Variants in PAIP2B observed in about 807,000 individuals in gnomAD.
The protein encoded by PAIP2B is poly(A) binding protein interacting protein 2B.
Under a neutral mutation model 17.0 loss-of-function variants are expected in PAIP2B, and 13 were observed. The ratio of observed to expected loss-of-function variants is 0.76; its 90% CI spans 0.50 to 1.22. PAIP2B has a LOEUF of 1.22. Ranked by LOEUF, PAIP2B falls within the 50% of genes most tolerant of loss-of-function variation. The pLI is 0.00. For synonymous variants in PAIP2B, 43 were observed against 48.7 expected, an observed-to-expected ratio of 0.88 and a Z score of 0.48; for missense variants, 117 against 144.5, an observed-to-expected ratio of 0.81 and a Z score of 0.98.
intron 1 of PAIP2B, among the ~76,000 whole-genome samples, chr2:71,218,958 T>C (rs1572938584): frequency 6.7e-6 from 1 of 149,966 alleles, no homozygotes; most frequent in Non-Finnish European, 1.5e-5. Context: ...CTCTGTCACC[T>C]AGGCTGGAGT....
intron 1 of PAIP2B, among the ~76,000 whole-genome samples, chr2:71,206,992 A>G (rs1675148010): frequency 6.6e-6 from 1 of 152,180 alleles, no homozygotes. Flanking sequence ...AACAACTAAG[A>G]TCATTAAATC....
chr2:71,189,087 A>T (rs1572918815), intron 3 of PAIP2B, among the ~76,000 whole-genome samples: 3 of 149,724 alleles, frequency 2.0e-5, no homozygotes, highest in African/African-American at 4.9e-5. Flanking sequence ...CTCACTGCAA[A>T]CTCCGCCTCC....
At chr2:71,211,902 C>T (rs890169256) in intron 1 of PAIP2B, among the ~76,000 whole-genome samples, 12 of 152,200 alleles carry the variant, frequency 7.9e-5, no homozygotes, top group Non-Finnish European at 1.6e-4. Context: ...GTGGCAAGAT[C>T]TCTAGACTCA....
intron 1 of PAIP2B, among the ~76,000 whole-genome samples, chr2:71,220,219 G>A (rs757095996): frequency 6.6e-6 from 1 of 152,162 alleles, no homozygotes; most frequent in African/African-American, 2.4e-5. Flanking sequence ...TGGTCACTAG[G>A]CTGAAATATT....
intron 2 of PAIP2B, among the ~76,000 whole-genome samples, 188 bp downstream of exon 2, chr2:71,202,264 A>G (rs1675003705): frequency 6.6e-6 from 1 of 152,228 alleles, no homozygotes; most frequent in Non-Finnish European, 1.5e-5. Flanking sequence ...CCAAGGTACT[A>G]TCACTCTGGT....
rs1330560072 is a variant in PAIP2B, at chr2:71,186,244, GTGCC to G, written c.*2231_*2234del. 2 of 152,184 alleles carry G rather than the reference GTGCC, an allele frequency of 1.3e-5. No individual in the cohort carries two copies. Among genetic ancestry groups the G allele is most frequent in the Non-Finnish European group, 2.9e-5 (2 of 68,030 alleles). The allele number at this position is 152,184 out of a possible 1,614,324, so 9.4% of individuals were successfully genotyped here. Reference sequence around the variant, plus strand: ...CTAGCCTGTGTTGTGAGTGACAATTGTGCCCCTACCTCCCAACATAAATAGATGG... The same window carrying G: ...CTAGCCTGTGTTGTGAGTGACAATTGCCTACCTCCCAACATAAATAGATGG... On this transcript the variant is annotated 3_prime_UTR_variant, in exon 4 of 4. Coordinates refer to ENST00000244221, the MANE Select transcript of PAIP2B (RefSeq NM_020459.1).
chr2:71,209,019 A>G (rs1228384989), intron 1 of PAIP2B, among the ~76,000 whole-genome samples: 1 of 152,226 alleles, frequency 6.6e-6, no homozygotes, highest in African/African-American at 2.4e-5. Flanking sequence ...GCCACAGGGA[A>G]TGAATCCAAT....
chr2:71,216,701 C>G (rs903042338), intron 1 of PAIP2B, among the ~76,000 whole-genome samples: 16 of 152,200 alleles, frequency 1.1e-4, no homozygotes, highest in Admixed American at 9.2e-4. Flanking sequence ...TAGGGCCCAG[C>G]AATCTGTGTT....
intron 1 of PAIP2B, among the ~76,000 whole-genome samples, chr2:71,203,614 A>T (rs749200086): frequency 6.6e-6 from 1 of 151,824 alleles, no homozygotes; most frequent in African/African-American, 2.4e-5. Context: ...CTGGCCATTT[A>T]TATTTCTTAT....
chr2:71,220,309 GATTT>G (rs576858633), intron 1 of PAIP2B, among the ~76,000 whole-genome samples: 165 of 152,278 alleles, frequency 1.1e-3, no homozygotes, highest in African/African-American at 3.9e-3. Flanking sequence ...ACTCTTTGGG[GATTT>G]ATTTCATAAA....
chr2:71,202,783 C>T (rs951903619), intron 1 of PAIP2B, among the ~76,000 whole-genome samples, 183 bp from the exon 2 acceptor site: 2 of 152,116 alleles, frequency 1.3e-5, no homozygotes, highest in African/African-American at 4.8e-5. Flanking sequence ...ATCAACTAGA[C>T]AGATGTACAA....
At chr2:71,217,016 T>C (rs922305195) in intron 1 of PAIP2B, among the ~76,000 whole-genome samples, 28 of 152,228 alleles carry the variant, frequency 1.8e-4, no homozygotes, top group African/African-American at 5.5e-4. Flanking sequence ...TCTAAAGTTT[T>C]AGAAAAGGAT....
chr2:71,226,658 G>A (rs969659477), intron 1 of PAIP2B, among the ~76,000 whole-genome samples: 3 of 152,076 alleles, frequency 2.0e-5, no homozygotes, highest in East Asian at 1.9e-4. Context: ...GGAGTCGGGG[G>A]GAAACAGAGC....
intron 1 of PAIP2B, among the ~76,000 whole-genome samples, chr2:71,222,974 C>A (rs1479659509): frequency 2.0e-5 from 3 of 152,104 alleles, no homozygotes; most frequent in Non-Finnish European, 2.9e-5. Flanking sequence ...GCAGGCACAC[C>A]AGGTTTACCT....
In PAIP2B at chr2:71,183,810, G is replaced by A. The variant is rs1322154788; in HGVS notation, c.*4669C>T. 3.3e-5 allele frequency: 5 copies of A among 152,194 alleles called. No individual in the cohort carries two copies. Among genetic ancestry groups the A allele is most frequent in the African/African-American group, 4.8e-5 (2 of 41,444 alleles). 9.4% of individuals were successfully genotyped at this position (152,194 alleles called of 1,614,324 possible). Reference sequence around the variant, plus strand: ...AAAAGAGCATGAAGGATCTTATTGGGAGGGATAAAAATGTTCTAAAACTGA... The same window carrying A: ...AAAAGAGCATGAAGGATCTTATTGGAAGGGATAAAAATGTTCTAAAACTGA... On this transcript the variant is annotated 3_prime_UTR_variant, in exon 4 of 4. Coordinates refer to ENST00000244221, the MANE Select transcript of PAIP2B (RefSeq NM_020459.1).
Position 71,224,469 on chromosome 2 carries a change from A to G in PAIP2B, c.-12+2459T>C, listed in dbSNP as rs140993773. On this transcript the variant is annotated intron_variant, in intron 1 of 3. Transcript: ENST00000244221. The stretch of plus-strand genomic sequence containing the variant: ...AATTATTTATAAAGAAATAACAGAG[A>G]AGTAGGCAAAACATTTGGATGAGGC... 2.4e-3 allele frequency among the ~76,000 whole-genome samples: 360 copies of G among 152,316 alleles called. 2 individuals carry two copies. The highest frequency in any genetic ancestry group is 8.3e-3 in the African/African-American group (347 of 41,564).
At chr2:71,193,129 C>T (rs987821897) in intron 2 of PAIP2B, among the ~76,000 whole-genome samples, 3 of 152,216 alleles carry the variant, frequency 2.0e-5, no homozygotes, top group Admixed American at 2.0e-4. Flanking sequence ...TTAGTCATAG[C>T]CATTCTGACT....
At chr2:71,197,233 T>G (rs1312696720) in intron 2 of PAIP2B, among the ~76,000 whole-genome samples, 2 of 152,230 alleles carry the variant, frequency 1.3e-5, no homozygotes, top group Non-Finnish European at 2.9e-5. Context: ...CCTCAACATT[T>G]GCTTATCTGA....
At position 71,221,913 on chromosome 2, in the gene PAIP2B, C is replaced by T. The variant is rs189585765; in HGVS notation, c.-12+5015G>A. Among the ~76,000 whole-genome samples the T allele has an allele frequency of 2.4e-3, 363 of 152,204 alleles. 3 individuals carry two copies. The highest frequency in any genetic ancestry group is 8.4e-3 in the African/African-American group (350 of 41,516). ...CAGCAGGACCCTAAAAGTAGCCAAT[C>T]GCAGGGAGGATTGAAAAAAGGGCAC... On this transcript the variant is annotated intron_variant, in intron 1 of 3. Coordinates refer to ENST00000244221, the MANE Select transcript of PAIP2B (RefSeq NM_020459.1).
Sources: allele counts gnomAD v4.1 joint callset (sites outside exome capture counted in the v4.1 genomes callset), GRCh38; gene constraint gnomAD v4.1.1; transcripts MANE v1.5; gene names NCBI Gene and HGNC (gene_info 2026-07-23, HGNC 2026-07-21).